GRIP1: variants seen among roughly 807,000 people sequenced by gnomAD.
The protein encoded by GRIP1 is glutamate receptor interacting protein 1, also known as glutamate receptor-interacting protein 1.
A neutral mutation model predicts 129.9 loss-of-function variants in GRIP1; 45 were observed. The observed-to-expected ratio is 0.35, with a 90% CI of 0.27 to 0.44. GRIP1 has a LOEUF of 0.44. GRIP1 is among the 20% of genes least tolerant of loss of function. The probability of loss-of-function intolerance (pLI) is 1.00; values close to 1 mark genes in which losing one functional copy is unlikely to be tolerated. For synonymous variants in GRIP1, 530 were observed against 520.8 expected (o/e 1.02, Z -0.24); for missense variants, 1,196 against 1,396.8 (o/e 0.86, Z 2.29).
intron 1 of GRIP1, among the ~76,000 whole-genome samples, chr12:66,965,945 C>CAT (rs1289074095): frequency 3.3e-5 from 5 of 152,180 alleles, no homozygotes; most frequent in Non-Finnish European, 7.3e-5. Flanking sequence ...ACTGACACTT[C>CAT]ACACTGTGAT....
chr12:66,714,240 C>T (rs1027256563), intron 1 of GRIP1, among the ~76,000 whole-genome samples: 5 of 151,886 alleles, frequency 3.3e-5, no homozygotes, highest in African/African-American at 9.7e-5. Context: ...CTACAATTCA[C>T]GACTTAAGGA....
intron 1 of GRIP1, among the ~76,000 whole-genome samples, chr12:66,658,594 A>G (rs116081498): frequency 1.1e-3 from 86 of 81,316 alleles, no homozygotes; most frequent in Middle Eastern, 7.6e-3. Flanking sequence ...AAAAAAAAAG[A>G]AAAAAAAATC....
intron 1 of GRIP1, among the ~76,000 whole-genome samples, chr12:66,846,922 T>C (rs2039828559): frequency 1.3e-5 from 2 of 152,066 alleles, no homozygotes; most frequent in East Asian, 1.9e-4. Flanking sequence ...ACTGGCTAGT[T>C]TGAATGACAT....
chr12:66,664,824 T>C (rs974700169), intron 1 of GRIP1, among the ~76,000 whole-genome samples: 10 of 152,146 alleles, frequency 6.6e-5, no homozygotes, highest in African/African-American at 2.4e-4. Flanking sequence ...TTTAATCGTT[T>C]TGTTTTTCTC....
At chr12:66,580,496 T>C (rs1592590741) in intron 2 of GRIP1, among the ~76,000 whole-genome samples, 6 of 152,144 alleles carry the variant, frequency 3.9e-5, no homozygotes. Flanking sequence ...CATCAGTGTG[T>C]TGTACTCAGG....
intron 1 of GRIP1, among the ~76,000 whole-genome samples, chr12:66,841,152 T>C (rs904258691): frequency 6.6e-6 from 1 of 152,192 alleles, no homozygotes; most frequent in Non-Finnish European, 1.5e-5. Flanking sequence ...AGGAAAATCC[T>C]CAGGGTGGAA....
chr12:66,889,828 C>G (rs1309668809), intron 1 of GRIP1, among the ~76,000 whole-genome samples: 1 of 152,172 alleles, frequency 6.6e-6, no homozygotes, highest in African/African-American at 2.4e-5. Flanking sequence ...TGCCACTGAT[C>G]GAGTGCCTAA....
chr12:66,856,813 G>A (rs1354251940), intron 1 of GRIP1, among the ~76,000 whole-genome samples: 2 of 151,964 alleles, frequency 1.3e-5, no homozygotes, highest in Admixed American at 6.6e-5. Context: ...AAGTCAGTGT[G>A]GTGATTCCTC....
chr12:66,696,073 A>C (rs1303535234), intron 1 of GRIP1, among the ~76,000 whole-genome samples: 1 of 152,196 alleles, frequency 6.6e-6, no homozygotes, highest in African/African-American at 2.4e-5. Flanking sequence ...ATCAAATCAC[A>C]ATATAGGCAT....
At chr12:66,695,841 G>A (rs1014542051) in intron 1 of GRIP1, among the ~76,000 whole-genome samples, 7 of 152,278 alleles carry the variant, frequency 4.6e-5, no homozygotes, top group African/African-American at 1.4e-4. Context: ...ATGTGTGGAT[G>A]CAAAAGGGAG....
At chr12:66,695,518 A>G (rs1410125896) in intron 1 of GRIP1, among the ~76,000 whole-genome samples, 3 of 152,150 alleles carry the variant, frequency 2.0e-5, no homozygotes, top group Admixed American at 6.5e-5. Context: ...AATGGGATTG[A>G]TCCATGGGCA....
chr12:66,491,157 T>C (rs536723144), intron 7 of GRIP1, among the ~76,000 whole-genome samples: 28 of 152,192 alleles, frequency 1.8e-4, no homozygotes, highest in Non-Finnish European at 3.8e-4. Context: ...TTAAAATACA[T>C]GTATGTGTAT....
intron 1 of GRIP1, among the ~76,000 whole-genome samples, chr12:66,636,626 G>T (rs1490350852): frequency 6.6e-6 from 1 of 152,030 alleles, no homozygotes; most frequent in African/African-American, 2.4e-5. Flanking sequence ...CCTTTAAGGA[G>T]CTGATTAAGG....
At chr12:66,813,654 T>C (rs1004223523) in intron 1 of GRIP1, among the ~76,000 whole-genome samples, 6 of 152,168 alleles carry the variant, frequency 3.9e-5, no homozygotes, top group Admixed American at 6.5e-5. Context: ...GGGCAGTACC[T>C]TTGATACAGC....
intron 9 of GRIP1, among the ~76,000 whole-genome samples, chr12:66,456,569 T>C (rs1050245484): frequency 6.6e-6 from 1 of 152,078 alleles, no homozygotes; most frequent in Admixed American, 6.5e-5. Flanking sequence ...ATAATGCATA[T>C]CTTTCCTCAG....
At chr12:66,580,156 T>C (rs2063316975) in intron 2 of GRIP1, among the ~76,000 whole-genome samples, 1 of 146,026 alleles carries the variant, frequency 6.8e-6, no homozygotes, top group Non-Finnish European at 1.5e-5. Context: ...CCAGCCAAAC[T>C]AAGCTTCATA....
intron 1 of GRIP1, among the ~76,000 whole-genome samples, chr12:66,715,471 TGAGAGAGA>T (rs71447469): frequency 3.3e-4 from 36 of 110,132 alleles, no homozygotes; most frequent in East Asian, 7.6e-4. Context: ...TGTGTGTGTG[TGAGAGAGA>T]GAGAGAGAGA....
intron 19 of GRIP1, among the ~76,000 whole-genome samples, chr12:66,391,104 G>C (rs906098829): frequency 6.6e-6 from 1 of 152,120 alleles, no homozygotes; most frequent in African/African-American, 2.4e-5. Context: ...TAGGCAGGCT[G>C]AGAGAAGGAA....
chr12:66,388,041 A>G (rs2056427973), intron 19 of GRIP1, among the ~76,000 whole-genome samples: 1 of 152,100 alleles, frequency 6.6e-6, no homozygotes, highest in Non-Finnish European at 1.5e-5. Context: ...AAGGAACTGA[A>G]TGAAAGAGTA....
Sources: allele counts gnomAD v4.1 joint callset (sites outside exome capture counted in the v4.1 genomes callset), GRCh38; gene constraint gnomAD v4.1.1; transcripts MANE v1.5; gene names NCBI Gene and HGNC (gene_info 2026-07-23, HGNC 2026-07-21).